Variants in ENPP1 observed in about 807,000 individuals in gnomAD.
ENPP1 encodes ectonucleotide pyrophosphatase/phosphodiesterase 1, also known as ectonucleotide pyrophosphatase/phosphodiesterase family member 1.
Under a neutral mutation model 122.8 loss-of-function variants are expected in ENPP1, and 73 were observed. The observed-to-expected ratio is 0.59, with a 90% CI of 0.49 to 0.72. The LOEUF is 0.72. Ranked by LOEUF, ENPP1 falls within the 30% of genes least tolerant of loss-of-function variation. The pLI is 0.00. For missense variants in ENPP1, 978 were observed against 1,128.1 expected, an observed-to-expected ratio of 0.87 and a Z score of 1.91; for synonymous variants, 367 against 391.6, an observed-to-expected ratio of 0.94 and a Z score of 0.74.
intron 1 of ENPP1, among the ~76,000 whole-genome samples, chr6:131,841,340 G>T (rs143699171): frequency 6.6e-6 from 1 of 152,258 alleles, no homozygotes; most frequent in African/African-American, 2.4e-5. Flanking sequence ...TTCTTTTTCA[G>T]AAAGCATGCA....
Position 131,890,439 on chromosome 6 carries a change from A to T in ENPP1, c.2706A>T (p.Gln902His). 1.9e-6 allele frequency: 3 copies of T among 1,613,934 alleles called. No homozygotes were observed. The highest frequency in any genetic ancestry group is 2.5e-6 in the Non-Finnish European group (3 of 1,179,750). The change falls in exon 25 of 25, where the codon CAA becomes CAT. Residue 902 changes from glutamine (Q) to histidine (H), a missense_variant. By Grantham distance (24) the Gln-to-His change is conservative. This residue lies in a region of ENPP1 where 644 missense variants were observed against 781.5 expected (regional missense o/e 0.82). Coordinates refer to ENST00000647893, the MANE Select transcript of ENPP1 (RefSeq NM_006208.3). The part of the protein sequence containing the change: ...VEHITGLSFY[Q>H]QRKEPVSDIL... ...ACATCACTGGACTCAGCTTCTATCA[A>T]CAAAGAAAAGAGCCAGTTTCAGACA...
chr6:131,808,077 C>A lies in ENPP1; in HGVS notation c.42C>A (p.Gly14=). ...DGCAGGGSRG[G]EGGRAPREGP... is the part of the protein sequence containing the mutation. ...GCGCGGGGGGCGGGAGCCGCGGCGG[C>A]GAGGGCGGGCGCGCTCCCCGGGAGG... is the stretch of plus-strand genomic sequence containing the variant. Residue 14 remains glycine, a synonymous_variant, in exon 1 of 25, where the codon GGC becomes GGA. Transcript: ENST00000647893. 2 of 1,027,460 alleles carry A rather than the reference C, an allele frequency of 1.9e-6. No homozygotes were observed. Among genetic ancestry groups the A allele is most frequent in the Non-Finnish European group, 2.3e-6 (2 of 860,822 alleles). 63.6% of individuals were successfully genotyped at this position (1,027,460 alleles called of 1,614,324 possible).
chr6:131,881,880 G>A (rs916277474), intron 20 of ENPP1, among the ~76,000 whole-genome samples: 11 of 152,024 alleles, frequency 7.2e-5, no homozygotes, highest in Non-Finnish European at 4.4e-5. Flanking sequence ...TTAGCCAGGC[G>A]TGGTGGCAGA....
At chr6:131,874,676 TC>T (rs1286507001) in intron 16 of ENPP1, among the ~76,000 whole-genome samples, 1 of 151,950 alleles carries the variant, frequency 6.6e-6, no homozygotes, top group Non-Finnish European at 1.5e-5. Context: ...AATCTAGCAA[TC>T]CCACTACTGG....
At chr6:131,818,413 G>A (rs953760291) in intron 1 of ENPP1, among the ~76,000 whole-genome samples, 3 of 152,050 alleles carry the variant, frequency 2.0e-5, no homozygotes, top group African/African-American at 7.2e-5. Context: ...TTGGGAGGCC[G>A]AGGCGGGTGG....
chr6:131,810,094 C>T (rs549800769), intron 1 of ENPP1, among the ~76,000 whole-genome samples: 1 of 152,210 alleles, frequency 6.6e-6, no homozygotes, highest in African/African-American at 2.4e-5. Context: ...TGCGGTGACT[C>T]ATACCTATTA....
Position 131,847,416 on chromosome 6 carries a change from C to T in ENPP1, c.241-360C>T, listed in dbSNP as rs1461961915. Among the ~76,000 whole-genome samples, 7 of 152,238 alleles carry T rather than the reference C, an allele frequency of 4.6e-5. No homozygotes were observed. In the South Asian group the frequency reaches 1.0e-3, roughly 23 times the overall value. On this transcript the variant is annotated intron_variant, in intron 1 of 24. Transcript: ENST00000647893. ...AAAATACAGAAATGTATACAAATCA[C>T]AAGTGTATAGTTGGAATTTTCAAAA...
intron 1 of ENPP1, among the ~76,000 whole-genome samples, chr6:131,810,457 C>A (rs1389928943): frequency 6.8e-5 from 10 of 147,232 alleles, no homozygotes; most frequent in Admixed American, 4.1e-4. Context: ...CGCCCCCCCC[C>A]CAAAAACTTC....
At chr6:131,875,044 T>C (rs370782544) in intron 16 of ENPP1, among the ~76,000 whole-genome samples, 31 of 152,088 alleles carry the variant, frequency 2.0e-4, no homozygotes, top group East Asian at 7.7e-4. Flanking sequence ...ATAATAAACA[T>C]TGGAGACTCC....
chr6:131,819,116 G>A lies in ENPP1; in HGVS notation c.240+10841G>A, dbSNP rs573750933. 5.1e-4 allele frequency among the ~76,000 whole-genome samples: 77 copies of A among 152,126 alleles called. 1 individual carries two copies. The highest frequency in any genetic ancestry group is 1.8e-4 in the Non-Finnish European group (12 of 68,016). On this transcript the variant is annotated intron_variant, in intron 1 of 24. Transcript: ENST00000647893. ...TTTTTCATGTTGTTTAATGACATGC[G>A]TTAACATTTGGAAGAATGATAGAAC... is the stretch of plus-strand genomic sequence containing the variant.
chr6:131,843,371 T>G (rs1379111805), intron 1 of ENPP1, among the ~76,000 whole-genome samples: 1 of 152,232 alleles, frequency 6.6e-6, no homozygotes, highest in Admixed American at 6.5e-5. Context: ...AACTTCTTTT[T>G]AATAATGAAG....
In ENPP1 at chr6:131,868,037, G is replaced by T; in HGVS notation, c.1184G>T (p.Arg395Met). ...TCTTAGGTCATCAAAGCCTTGCAGA[G>T]GGTTGATGGTATGGTTGGTATGCTG... is the stretch of plus-strand genomic sequence containing the variant. ...VSSEVIKALQ[R>M]VDGMVGMLMD... Residue 395 changes from arginine to methionine, a missense_variant, in exon 12 of 25, where the codon AGG (arginine) becomes ATG (methionine). Physicochemically the swap from Arg to Met is moderately conservative, Grantham distance 91. Transcript: ENST00000647893. 1 of 1,613,410 alleles carries T rather than the reference G, an allele frequency of 6.2e-7. No individual in the cohort carries two copies. The highest frequency in any genetic ancestry group is 1.7e-4 in the Middle Eastern group (1 of 6,058).
chr6:131,812,956 C>T (rs1158287641), intron 1 of ENPP1, among the ~76,000 whole-genome samples: 3 of 152,250 alleles, frequency 2.0e-5, no homozygotes, highest in South Asian at 4.1e-4. Context: ...TCTTCTGTCT[C>T]AGCCTCCCAA....
chr6:131,827,845 G>A lies in ENPP1; in HGVS notation c.240+19570G>A, dbSNP rs528957704. On this transcript the variant is annotated intron_variant, in intron 1 of 24. Coordinates refer to ENST00000647893, the MANE Select transcript of ENPP1 (RefSeq NM_006208.3). ...TATGTCAGTTGAACACCCTGAGGAC[G>A]AAAGCAAAATCTTGGACTCGGAGAG... 7.9e-6 allele frequency: 11 copies of A among 1,387,862 alleles called. No individual in the cohort carries two copies. In the South Asian group the frequency reaches 1.2e-4, roughly 15 times the overall value. 86.0% of individuals were successfully genotyped at this position (1,387,862 alleles called of 1,614,324 possible). A position where few individuals can be genotyped will look rare whatever the true frequency, so the allele number is the denominator to read the frequency against.
intron 1 of ENPP1, among the ~76,000 whole-genome samples, chr6:131,819,158 T>A (rs1781453759): frequency 6.6e-6 from 1 of 152,216 alleles, no homozygotes. Flanking sequence ...AACCAATATT[T>A]TCCAAAGGAT....
In ENPP1 at chr6:131,878,419, A is replaced by G. The variant is rs79482937; in HGVS notation, c.1894-123A>G. On this transcript the variant is annotated intron_variant, in intron 18 of 24. Coordinates refer to ENST00000647893, the MANE Select transcript of ENPP1 (RefSeq NM_006208.3). The stretch of plus-strand genomic sequence containing the variant: ...CTTGAAAGAGAAAAAAAAATCCACT[A>G]ATACAAGACTATCATAAATGATCTT... 4.1e-3 allele frequency: 3,010 copies of G among 725,742 alleles called. 67 individuals carry two copies. The African/African-American group carries it at 0.048, about 12-fold the overall frequency. 45.0% of individuals were successfully genotyped at this position (725,742 alleles called of 1,614,324 possible).
At chr6:131,890,113 G>A (rs183880393) in intron 24 of ENPP1, among the ~76,000 whole-genome samples, 83 of 152,152 alleles carry the variant, frequency 5.5e-4, no homozygotes, top group African/African-American at 1.9e-3. Flanking sequence ...TCTGTTCCAG[G>A]TATAGTTTCT....
intron 12 of ENPP1, among the ~76,000 whole-genome samples, chr6:131,868,752 T>C (rs1782120909): frequency 6.6e-6 from 1 of 152,260 alleles, no homozygotes; most frequent in African/African-American, 2.4e-5. Flanking sequence ...CAATTTTCTT[T>C]AGCTTGATAA....
Position 131,868,067 on chromosome 6 carries a change from A to G in ENPP1, c.1214A>G (p.Asp405Gly). ...GATGGTATGGTTGGTATGCTGATGG[A>G]TGGTCTGAAAGAGCTGAACTTGCAC... The part of the protein sequence containing the change: ...RVDGMVGMLM[D>G]GLKELNLHRC... The change falls in exon 12 of 25, where the codon GAT (aspartate) becomes GGT (glycine). Residue 405 changes from aspartate (D) to glycine (G), a missense_variant. Physicochemically the swap from Asp to Gly is moderately conservative, Grantham distance 94. Around this residue, in one of 3 missense-constraint regions of ENPP1, gnomAD observed 644 missense variants for 781.5 expected, o/e 0.82. Transcript: ENST00000647893. The G allele has an allele frequency of 1.2e-6, 2 of 1,613,688 alleles. No homozygotes were observed. The highest frequency in any genetic ancestry group is 1.7e-6 in the Non-Finnish European group (2 of 1,179,848).
Sources: allele counts gnomAD v4.1 joint callset (sites outside exome capture counted in the v4.1 genomes callset), GRCh38; gene constraint gnomAD v4.1.1; regional missense constraint gnomAD v4.1.1; transcripts MANE v1.5; gene names NCBI Gene and HGNC (gene_info 2026-07-23, HGNC 2026-07-21).